ZNF420: variants seen among roughly 807,000 people sequenced by gnomAD.
The protein encoded by ZNF420 is zinc finger protein 420.
A neutral mutation model predicts 44.7 loss-of-function variants in ZNF420; 31 were observed. The ratio of observed to expected loss-of-function variants is 0.69; its 90% CI spans 0.52 to 0.94. The LOEUF is 0.94. ZNF420 is among the 40% of genes least tolerant of loss of function. The probability of loss-of-function intolerance (pLI) is 0.00; values close to 1 mark genes in which losing one functional copy is unlikely to be tolerated. For missense variants in ZNF420, 681 were observed against 827.9 expected (o/e 0.82, Z 2.18); for synonymous variants, 245 against 267.4 (o/e 0.92, Z 0.82).
At chr19:37,015,149 T>C (rs1283456965) in intron 1 of ZNF420, among the ~76,000 whole-genome samples, 1 of 150,664 alleles carries the variant, frequency 6.6e-6, no homozygotes, top group African/African-American at 2.5e-5. Flanking sequence ...TGTTTCTTTC[T>C]GTGTGTGTGT....
intron 1 of ZNF420, among the ~76,000 whole-genome samples, chr19:37,059,373 AT>A (rs1849486447): frequency 6.6e-6 from 1 of 152,224 alleles, no homozygotes; most frequent in Admixed American, 6.5e-5. Context: ...GCCAATGCGC[AT>A]GCGCGAGGCG....
intron 1 of ZNF420, among the ~76,000 whole-genome samples, chr19:37,028,562 A>T (rs1967193300): frequency 6.6e-6 from 1 of 152,202 alleles, no homozygotes; most frequent in Admixed American, 6.5e-5. Flanking sequence ...CTCATTATGG[A>T]CTTTCAGTGT....
chr19:37,046,626 C>CA (rs1333157811), intron 1 of ZNF420, among the ~76,000 whole-genome samples: 2 of 152,096 alleles, frequency 1.3e-5, no homozygotes, highest in East Asian at 3.8e-4. Context: ...GAAAAAAAGA[C>CA]AGAGGAAGAG....
chr19:37,092,685 G>C (rs918255111), intron 4 of ZNF420: 1 of 151,066 alleles, frequency 6.6e-6, no homozygotes, highest in African/African-American at 2.4e-5. Flanking sequence ...CTGCACTCCA[G>C]CCTGGGCGAC....
intron 1 of ZNF420, among the ~76,000 whole-genome samples, chr19:37,017,342 G>A (rs1328830336): frequency 6.6e-6 from 1 of 152,172 alleles, no homozygotes; most frequent in East Asian, 1.9e-4. Context: ...CAATTGGTGT[G>A]CACAAGGAAA....
chr19:37,072,822 G>C (rs1265018110), intron 1 of ZNF420, among the ~76,000 whole-genome samples: 2 of 151,744 alleles, frequency 1.3e-5, no homozygotes, highest in African/African-American at 4.8e-5. Context: ...TATTCAAAAT[G>C]TTTTCTGTCA....
At chr19:37,114,954 A>G (rs910034545) in intron 4 of ZNF420, 2 of 154,232 alleles carry the variant, frequency 1.3e-5, no homozygotes, top group African/African-American at 2.4e-5. Context: ...TGTTTGAAAT[A>G]GAGTGATTAG....
rs1345355177 is a variant in ZNF420, at chr19:37,116,687, G to A, written c.137-10441G>A. Among the ~76,000 whole-genome samples, 4 of 152,154 alleles carry A rather than the reference G, an allele frequency of 2.6e-5. No individual in the cohort carries two copies. The East Asian group carries it at 5.8e-4, about 22-fold the overall frequency. ...TCACTCAGTAAGTGCAAGGGGTCAG[G>A]GAGTTCCCTTTCCTAGTCAAAGAAA... On this transcript the variant is annotated intron_variant, in intron 4 of 4. Coordinates refer to ENST00000337995, the MANE Select transcript of ZNF420 (RefSeq NM_144689.5).
intron 1 of ZNF420, among the ~76,000 whole-genome samples, chr19:37,062,799 G>A (rs927393348): frequency 6.6e-6 from 1 of 152,098 alleles, no homozygotes; most frequent in Non-Finnish European, 1.5e-5. Flanking sequence ...GCCAAGGTAG[G>A]GGATGGGTGA....
At chr19:37,054,937 G>A (rs1967713434) in intron 1 of ZNF420, among the ~76,000 whole-genome samples, 1 of 152,148 alleles carries the variant, frequency 6.6e-6, no homozygotes, top group Non-Finnish European at 1.5e-5. Flanking sequence ...GCCACTCCTG[G>A]GACATAGCAT....
At chr19:37,087,529 G>A (rs1487425408) in intron 2 of ZNF420, among the ~76,000 whole-genome samples, 2 of 152,120 alleles carry the variant, frequency 1.3e-5, no homozygotes, top group Non-Finnish European at 2.9e-5. Context: ...AATGTATTGA[G>A]CACCTGTATC....
At chr19:37,087,763 A>G (rs1968906311) in intron 2 of ZNF420, among the ~76,000 whole-genome samples, 2 of 152,184 alleles carry the variant, frequency 1.3e-5, no homozygotes, top group Non-Finnish European at 2.9e-5. Flanking sequence ...CTCCTGCCTC[A>G]GCCTCCTGAG....
upstream of ZNF420, among the ~76,000 whole-genome samples, chr19:37,077,033 G>C (rs1968175022): frequency 1.3e-5 from 2 of 152,114 alleles, no homozygotes; most frequent in Non-Finnish European, 2.9e-5. Context: ...GGTCTTGCAA[G>C]ACCAAGTTTT....
At chr19:37,046,774 T>C (rs1967549525) in intron 1 of ZNF420, among the ~76,000 whole-genome samples, 1 of 152,102 alleles carries the variant, frequency 6.6e-6, no homozygotes, top group Non-Finnish European at 1.5e-5. Context: ...CAAGGTATGC[T>C]GTGAGCCAAG....
At chr19:37,094,356 T>C (rs1305704894) in intron 4 of ZNF420, among the ~76,000 whole-genome samples, 1 of 152,182 alleles carries the variant, frequency 6.6e-6, no homozygotes, top group African/African-American at 2.4e-5. Flanking sequence ...AACTCCATTT[T>C]CCCCCTTGTT....
At chr19:37,021,098 C>T (rs2074645151) in intron 1 of ZNF420, among the ~76,000 whole-genome samples, 1 of 152,090 alleles carries the variant, frequency 6.6e-6, no homozygotes, top group Non-Finnish European at 1.5e-5. Context: ...AAATCATGAG[C>T]AAAAGACGTG....
At chr19:37,045,780 G>T (rs1967532383) in intron 1 of ZNF420, among the ~76,000 whole-genome samples, 1 of 152,186 alleles carries the variant, frequency 6.6e-6, no homozygotes, top group South Asian at 2.1e-4. Flanking sequence ...TGATCTTTCT[G>T]TCCCACAGGC....
rs1967179531 is a variant in ZNF420 at position 37,027,522 on chromosome 19, G to A, written c.-125+19440G>A. 3.3e-5 allele frequency among the ~76,000 whole-genome samples: 5 copies of A among 152,082 alleles called. No individual in the cohort carries two copies. In the South Asian group the frequency reaches 8.3e-4, roughly 25 times the overall value. The stretch of plus-strand genomic sequence containing the variant: ...TGAGGACATATATCCACCATTAAAG[G>A]GTCACAGAGAAAAGTTTCATTGCCC... On this transcript the variant is annotated intron_variant, in intron 1 of 4. Transcript: ENST00000587029.
chr19:37,095,622 G>A (rs1289932203), intron 4 of ZNF420, among the ~76,000 whole-genome samples: 1 of 151,454 alleles, frequency 6.6e-6, no homozygotes, highest in African/African-American at 2.4e-5. Context: ...TTTTGAGATG[G>A]GGTCTCATTC....
Sources: gnomAD v4.1 joint callset for allele counts (sites outside exome capture counted in the v4.1 genomes callset) on GRCh38, gnomAD v4.1.1 for gene constraint, MANE v1.5 for transcripts, NCBI Gene and HGNC (gene_info 2026-07-23, HGNC 2026-07-21) for gene names.